The following ADAM10 variants were observed in gnomAD, a reference collection of about 807,000 sequenced individuals.
ADAM10 encodes ADAM metallopeptidase domain 10, also known as disintegrin and metalloproteinase domain-containing protein 10.
Under a neutral mutation model 90.1 loss-of-function variants are expected in ADAM10, and 17 were observed. That is an observed-to-expected ratio of 0.19 (90% CI 0.13 to 0.28). ADAM10 has a LOEUF of 0.28. Among genes scored for constraint, ADAM10 ranks in the 10% least tolerant of loss-of-function variants. The pLI is 1.00. For synonymous variants in ADAM10, 310 were observed against 298.6 expected (o/e 1.04, Z -0.40); for missense variants, 610 against 914.3 (o/e 0.67, Z 4.29).
Position 58,610,530 on chromosome 15 carries a change from T to G in ADAM10, c.1805-13A>C, listed in dbSNP as rs202202831. 3.7e-5 allele frequency: 60 copies of G among 1,610,142 alleles called. No homozygotes were observed. In the East Asian group the frequency reaches 1.3e-3, roughly 35 times the overall value. On this transcript the variant is annotated splice_polypyrimidine_tract_variant and intron_variant, in intron 13 of 15. Coordinates refer to ENST00000260408, the MANE Select transcript of ADAM10 (RefSeq NM_001110.4). Reference sequence around the variant, plus strand: ...GTTGATGGGTCCACTGGAAAAGAAATGCCAAATATAAGCTGAAGGTCAGAT... The same window carrying G: ...GTTGATGGGTCCACTGGAAAAGAAAGGCCAAATATAAGCTGAAGGTCAGAT...
At chr15:58,685,875 T>C (rs1038766878) in intron 2 of ADAM10, among the ~76,000 whole-genome samples, 2 of 152,152 alleles carry the variant, frequency 1.3e-5, no homozygotes, top group Admixed American at 6.5e-5. Flanking sequence ...TTTGGACAGA[T>C]GAATCAATTT....
At chr15:58,649,156 C>T (rs1313237575) in intron 5 of ADAM10, among the ~76,000 whole-genome samples, 10 of 151,706 alleles carry the variant, frequency 6.6e-5, no homozygotes, top group Non-Finnish European at 8.8e-5. Flanking sequence ...TCTTTCTTGC[C>T]TTGTTTTGGA....
In ADAM10 at chr15:58,663,574, C is replaced by A. The variant is rs533575050; in HGVS notation, c.585+1523G>T. Among the ~76,000 whole-genome samples, 302 of 152,072 alleles carry A rather than the reference C, an allele frequency of 2.0e-3. 1 individual carries two copies. Among genetic ancestry groups the A allele is most frequent in the African/African-American group, 6.8e-3 (282 of 41,488 alleles). On this transcript the variant is annotated intron_variant, in intron 5 of 15. Transcript: ENST00000260408. ...TACTTTTCCATATAACATTTTTGAC[C>A]CATTGAGTGTTGTGAATAAGCCTGT...
chr15:58,689,228 G>T (rs1468171996), intron 2 of ADAM10, among the ~76,000 whole-genome samples: 1 of 152,200 alleles, frequency 6.6e-6, no homozygotes, highest in Non-Finnish European at 1.5e-5. Flanking sequence ...GCTCACGCCT[G>T]TAATCCTAGC....
intron 11 of ADAM10, among the ~76,000 whole-genome samples, chr15:58,614,353 A>G (rs1351034654): frequency 6.6e-6 from 1 of 152,076 alleles, no homozygotes. Flanking sequence ...ATAGCTGAAA[A>G]TGGAAGTCTT....
intron 14 of ADAM10, among the ~76,000 whole-genome samples, chr15:58,602,644 A>G (rs1895144550): frequency 6.6e-6 from 1 of 152,198 alleles, no homozygotes; most frequent in Admixed American, 6.5e-5. Flanking sequence ...ACATATTCAT[A>G]TATATATTCA....
chr15:58,617,368 A>C (rs1164901889), intron 11 of ADAM10, among the ~76,000 whole-genome samples: 1 of 152,140 alleles, frequency 6.6e-6, no homozygotes, highest in Non-Finnish European at 1.5e-5. Context: ...CAACTTACCA[A>C]GATTGAAATA....
At chr15:58,618,902 C>T (rs1425540925) in intron 11 of ADAM10, among the ~76,000 whole-genome samples, 1 of 152,082 alleles carries the variant, frequency 6.6e-6, no homozygotes, top group African/African-American at 2.4e-5. Flanking sequence ...CATTAGTTTA[C>T]TGCTGGTGGG....
chr15:58,679,381 T>C (rs755418066), intron 3 of ADAM10, 99 bp from the exon 4 acceptor site: 8 of 1,018,172 alleles, frequency 7.9e-6, no homozygotes, highest in South Asian at 1.3e-5. Context: ...TATACACACA[T>C]GCATACATAT....
chr15:58,666,951 C>T (rs577521394), intron 4 of ADAM10, among the ~76,000 whole-genome samples: 10 of 152,206 alleles, frequency 6.6e-5, no homozygotes, highest in Admixed American at 3.9e-4. Context: ...CTAAAAGATG[C>T]TGTTTTCCTT....
At chr15:58,680,241 G>A (rs927658755) in intron 3 of ADAM10, among the ~76,000 whole-genome samples, 5 of 152,078 alleles carry the variant, frequency 3.3e-5, no homozygotes, top group East Asian at 3.9e-4. Flanking sequence ...TCCCACCTCC[G>A]CCTCCCTAGT....
At chr15:58,691,498 T>A (rs1431363527) in intron 2 of ADAM10, 1 of 594,150 alleles carries the variant, frequency 1.7e-6, no homozygotes, top group Admixed American at 1.9e-5. Flanking sequence ...GACAGAGATG[T>A]CATCTCATCT....
rs557665683 is a variant in ADAM10, at chr15:58,696,042, G to C, written c.207-13728C>G. Among the ~76,000 whole-genome samples, 4 of 152,272 alleles carry C rather than the reference G, an allele frequency of 2.6e-5. No individual in the cohort carries two copies. The East Asian group carries it at 7.7e-4, about 29-fold the overall frequency. ...GCGGCAGGAGAATCGCTTGAACCCAGGAGGCAGAGGTTAAGGTGAGCCAAG... is the reference window on the plus strand; with the variant it reads ...GCGGCAGGAGAATCGCTTGAACCCACGAGGCAGAGGTTAAGGTGAGCCAAG... On this transcript the variant is annotated intron_variant, in intron 2 of 15. Transcript: ENST00000260408.
intron 1 of ADAM10, among the ~76,000 whole-genome samples, chr15:58,730,657 T>G (rs760157517): frequency 1.3e-5 from 2 of 152,154 alleles, no homozygotes; most frequent in Non-Finnish European, 2.9e-5. Flanking sequence ...TCAACTTGAC[T>G]AGATTAAGGA....
chr15:58,678,988 A>G (rs1897357469), intron 4 of ADAM10, 136 bp downstream of exon 4: 8 of 829,662 alleles, frequency 9.6e-6, no homozygotes, highest in Non-Finnish European at 1.5e-5. Context: ...TTAAATAGCA[A>G]TTGCTAGTAA....
At chr15:58,600,264 G>C (rs990457828) in intron 14 of ADAM10, among the ~76,000 whole-genome samples, 25 of 152,086 alleles carry the variant, frequency 1.6e-4, no homozygotes, top group Non-Finnish European at 3.1e-4. Flanking sequence ...ACTATGTTTT[G>C]ATTGCGTTTA....
intron 1 of ADAM10, chr15:58,748,711 A>C (rs1340058002): frequency 2.6e-6 from 1 of 384,098 alleles, no homozygotes; most frequent in African/African-American, 2.1e-5. Context: ...CTACAAATCA[A>C]AGAACATCCC....
At chr15:58,727,382 G>T (rs1357295971) in intron 1 of ADAM10, among the ~76,000 whole-genome samples, 1 of 151,892 alleles carries the variant, frequency 6.6e-6, no homozygotes, top group East Asian at 1.9e-4. Context: ...GCAGAGACAG[G>T]GTTTTGCCAT....
intron 5 of ADAM10, among the ~76,000 whole-genome samples, chr15:58,648,257 T>C (rs1180550501): frequency 2.0e-5 from 3 of 152,192 alleles, no homozygotes; most frequent in Non-Finnish European, 2.9e-5. Flanking sequence ...GTGTAACATT[T>C]GGGGGAACTG....
Sources: gnomAD v4.1 joint callset for allele counts (sites outside exome capture counted in the v4.1 genomes callset) on GRCh38, gnomAD v4.1.1 for gene constraint, MANE v1.5 for transcripts, NCBI Gene and HGNC (gene_info 2026-07-23, HGNC 2026-07-21) for gene names.